Variants in SLC44A5 observed in about 807,000 individuals in gnomAD.
The protein encoded by SLC44A5 is choline transporter-like protein 5.
A neutral mutation model predicts 101.8 loss-of-function variants in SLC44A5; 57 were observed. The ratio of observed to expected loss-of-function variants is 0.56; its 90% CI spans 0.45 to 0.70. The LOEUF (loss-of-function observed/expected upper bound fraction) is 0.70. Among genes scored for constraint, SLC44A5 ranks in the 30% least tolerant of loss-of-function variants. SLC44A5 has a pLI of 0.00. For missense variants in SLC44A5, 737 were observed against 853.1 expected (o/e 0.86, Z 1.70); for synonymous variants, 281 against 290.9 (o/e 0.97, Z 0.35).
chr1:75,587,801 G>A (rs1460177526), intron 1 of SLC44A5, among the ~76,000 whole-genome samples: 1 of 152,072 alleles, frequency 6.6e-6, no homozygotes, highest in East Asian at 1.9e-4. Context: ...CTTTTCAGTT[G>A]GGCCCTAAAT....
chr1:75,285,447 C>G (rs1162838919), intron 5 of SLC44A5, among the ~76,000 whole-genome samples: 1 of 151,488 alleles, frequency 6.6e-6, no homozygotes, highest in Non-Finnish European at 1.5e-5. Context: ...TTTCATTTAT[C>G]ATTTTTTTTG....
intron 2 of SLC44A5, among the ~76,000 whole-genome samples, chr1:75,411,598 A>G (rs987717424): frequency 1.3e-5 from 2 of 152,054 alleles, no homozygotes; most frequent in Non-Finnish European, 1.5e-5. Flanking sequence ...TTATTTCACA[A>G]TTGTCAACCC....
At chr1:75,710,562 T>TAAAAAAAAAAAAAA in the SLC44A5 span, 1 of 52,302 alleles carries the variant, frequency 1.9e-5, no homozygotes. Flanking sequence ...AGACCCTACC[T>TAAAAAAAAAAAAAA]AAAAAAAAAA....
chr1:75,504,392 G>A (rs1669134066), intron 2 of SLC44A5, among the ~76,000 whole-genome samples: 1 of 151,942 alleles, frequency 6.6e-6, no homozygotes, highest in African/African-American at 2.4e-5. Flanking sequence ...ACATGGATCT[G>A]TTTATTTTGC....
chr1:75,389,611 T>C (rs938125542), intron 3 of SLC44A5, among the ~76,000 whole-genome samples: 2 of 152,056 alleles, frequency 1.3e-5, no homozygotes, highest in African/African-American at 2.4e-5. Context: ...TTCTTTGAAA[T>C]AAATGAAAAG....
At chr1:75,472,887 A>G (rs1003871121) in intron 2 of SLC44A5, among the ~76,000 whole-genome samples, 4 of 152,156 alleles carry the variant, frequency 2.6e-5, no homozygotes, top group African/African-American at 9.7e-5. Context: ...TAGACTAACA[A>G]GTGGCAAGCC....
chr1:75,569,613 G>T (rs1002030661), intron 1 of SLC44A5, among the ~76,000 whole-genome samples: 2 of 152,044 alleles, frequency 1.3e-5, no homozygotes, highest in African/African-American at 4.8e-5. Context: ...CAAGTTCCTT[G>T]CAGGTAGAAT....
At chr1:75,684,161 T>C in the SLC44A5 span, among the ~76,000 whole-genome samples, 1 of 152,260 alleles carries the variant, frequency 6.6e-6, no homozygotes, top group African/African-American at 2.4e-5. Flanking sequence ...CTGAGACTTA[T>C]TCATTACCAT....
intron 23 of SLC44A5, among the ~76,000 whole-genome samples, chr1:75,207,171 G>A (rs745939900): frequency 5.9e-5 from 9 of 152,054 alleles, no homozygotes; most frequent in Non-Finnish European, 1.2e-4. Context: ...TGTTACAGAC[G>A]AACACCCTGA....
chr1:75,567,050 G>A (rs919798605), intron 1 of SLC44A5, among the ~76,000 whole-genome samples: 4 of 152,128 alleles, frequency 2.6e-5, no homozygotes, highest in South Asian at 2.1e-4. Flanking sequence ...GGATAGCAAC[G>A]TTGACTAGAG....
At chr1:75,480,545 T>G (rs1667773951) in intron 2 of SLC44A5, among the ~76,000 whole-genome samples, 1 of 152,136 alleles carries the variant, frequency 6.6e-6, no homozygotes, top group African/African-American at 2.4e-5. Flanking sequence ...GATAAGCAAC[T>G]TCAGCAAAAT....
At chr1:75,298,855 A>T (rs1654199418) in intron 5 of SLC44A5, among the ~76,000 whole-genome samples, 1 of 152,220 alleles carries the variant, frequency 6.6e-6, no homozygotes, top group Non-Finnish European at 1.5e-5. Context: ...GTTATGCAGC[A>T]TTATTGGTAC....
intron 1 of SLC44A5, among the ~76,000 whole-genome samples, chr1:75,576,685 A>G (rs1213958364): frequency 6.6e-6 from 1 of 152,174 alleles, no homozygotes; most frequent in Non-Finnish European, 1.5e-5. Flanking sequence ...GATGGGTGGT[A>G]GAGTTTTCCA....
chr1:75,650,320 AC>A, the SLC44A5 span, among the ~76,000 whole-genome samples: 1 of 152,218 alleles, frequency 6.6e-6, no homozygotes, highest in African/African-American at 2.4e-5. Flanking sequence ...TATTCTTAAT[AC>A]TACAAATTTT....
rs1188212105 is a variant in SLC44A5, at chr1:75,237,087, G to GA, written c.657-18dup. 4.6e-6 allele frequency: 7 copies of GA among 1,510,530 alleles called. No homozygotes were observed. Among genetic ancestry groups the GA allele is most frequent in the East Asian group, 4.6e-5 (2 of 43,860 alleles). The allele number at this position is 1,510,530 out of a possible 1,614,324, so 93.6% of individuals were successfully genotyped here. A position where few individuals can be genotyped will look rare whatever the true frequency, so the allele number is the denominator to read the frequency against. ...TTGATACCACTGCATTGAAAGAAGG[G>GA]AAAAAATCAATTATTTTTTGATGAC... is the stretch of plus-strand genomic sequence containing the variant. On this transcript the variant is annotated splice_polypyrimidine_tract_variant and intron_variant, in intron 10 of 23. Coordinates refer to ENST00000370859, the MANE Select transcript of SLC44A5 (RefSeq NM_001130058.2).
chr1:75,633,290 C>A, the SLC44A5 span, among the ~76,000 whole-genome samples: 5 of 152,146 alleles, frequency 3.3e-5, no homozygotes, highest in African/African-American at 4.8e-5. Flanking sequence ...GATGGCATTG[C>A]ATCTATAAAT....
chr1:75,670,697 T>A, the SLC44A5 span, among the ~76,000 whole-genome samples: 1 of 152,064 alleles, frequency 6.6e-6, no homozygotes, highest in Non-Finnish European at 1.5e-5. Context: ...GCTGAACAAT[T>A]CAGAAAAGAT....
chr1:75,238,241 G>A (rs1648287841), intron 10 of SLC44A5, among the ~76,000 whole-genome samples: 1 of 150,472 alleles, frequency 6.6e-6, no homozygotes, highest in African/African-American at 2.4e-5. Flanking sequence ...GTTGCAGTGA[G>A]CTGAGATATG....
At chr1:75,616,212 G>T in the SLC44A5 span, among the ~76,000 whole-genome samples, 1 of 151,394 alleles carries the variant, frequency 6.6e-6, no homozygotes, top group South Asian at 2.1e-4. Context: ...CCCGCCCAGC[G>T]CTGACCTCCC....
Sources: allele counts gnomAD v4.1 joint callset (sites outside exome capture counted in the v4.1 genomes callset), GRCh38; gene constraint gnomAD v4.1.1; transcripts MANE v1.5; gene names NCBI Gene and HGNC (gene_info 2026-07-23, HGNC 2026-07-21).